The following YTHDC1 variants were observed in gnomAD, a reference collection of about 807,000 sequenced individuals.
The protein encoded by YTHDC1 is YTH N6-methyladenosine RNA binding protein C1, also known as YTH domain-containing protein 1.
YTHDC1 carries 12 observed loss-of-function variants against 107.0 expected under a neutral mutation model. The observed-to-expected ratio is 0.11, with a 90% CI of 0.07 to 0.18. YTHDC1 has a LOEUF of 0.18. Ranked by LOEUF, YTHDC1 falls within the 10% of genes least tolerant of loss-of-function variation. The probability of loss-of-function intolerance (pLI) is 1.00; values close to 1 mark genes in which losing one functional copy is unlikely to be tolerated. For missense variants in YTHDC1, 635 were observed against 898.8 expected (o/e 0.71, Z 3.75); for synonymous variants, 280 against 289.5 (o/e 0.97, Z 0.33).
At chr4:68,341,187 G>T (rs367903115) in intron 1 of YTHDC1, among the ~76,000 whole-genome samples, 2 of 152,222 alleles carry the variant, frequency 1.3e-5, no homozygotes, top group South Asian at 4.1e-4. Context: ...CACTTGTCTA[G>T]TAACAAATGG....
chr4:68,336,932 C>T, intron 4 of YTHDC1, 95 bp downstream of exon 4: 5 of 1,448,354 alleles, frequency 3.5e-6, no homozygotes, highest in Non-Finnish European at 4.6e-6. Flanking sequence ...ATTAATATCC[C>T]CCATCTCCTC....
chr4:68,314,400 AT>A, intron 16 of YTHDC1, 77 bp from the exon 17 acceptor site: 2 of 1,228,876 alleles, frequency 1.6e-6, no homozygotes, highest in Non-Finnish European at 2.2e-6. Context: ...TGAAAAAAAA[AT>A]TTATATAAAC....
chr4:68,318,930 C>A (rs750314984), intron 12 of YTHDC1, 68 bp from the exon 13 acceptor site: 4 of 1,499,060 alleles, frequency 2.7e-6, no homozygotes, highest in Non-Finnish European at 3.7e-6. Context: ...ATAATTAAAC[C>A]TTCCTTACCA....
intron 16 of YTHDC1, among the ~76,000 whole-genome samples, chr4:68,315,439 T>C (rs959426752): frequency 3.1e-4 from 47 of 152,106 alleles, no homozygotes; most frequent in Non-Finnish European, 6.5e-4. Flanking sequence ...TAAAAAGATG[T>C]TTATTTGGCC....
In YTHDC1 at chr4:68,349,745, A is replaced by C; in HGVS notation, c.9T>G (p.Ala3=). 1 of 1,612,496 alleles carries C rather than the reference A, an allele frequency of 6.2e-7. No individual in the cohort carries two copies. The highest frequency in any genetic ancestry group is 8.5e-7 in the Non-Finnish European group (1 of 1,179,606). Residue 3 remains alanine (A), a synonymous_variant, in exon 1 of 17, where the codon GCT becomes GCG. Transcript: ENST00000344157. The part of the protein sequence containing the change: MA[A]DSREEKDGEL... ...ACTAACCTTTCTCCTCCCGACTGTC[A>C]GCCGCCATGGCTCCCCTTCGGTTTC... is the stretch of plus-strand genomic sequence containing the variant.
chr4:68,319,355 T>C (rs540575091), intron 12 of YTHDC1, among the ~76,000 whole-genome samples: 67 of 152,108 alleles, frequency 4.4e-4, no homozygotes, highest in Admixed American at 3.1e-3. Context: ...AAATGAAAAA[T>C]CGATGGTGGT....
chr4:68,314,082 G>A lies in YTHDC1; in HGVS notation c.*17C>T. 1 of 1,608,568 alleles carries A rather than the reference G, an allele frequency of 6.2e-7. No homozygotes were observed. On this transcript the variant is annotated 3_prime_UTR_variant, in exon 17 of 17. Coordinates refer to ENST00000344157, the MANE Select transcript of YTHDC1 (RefSeq NM_001031732.4). ...GATTTTTTGTATCTTTAAACAATCA[G>A]TGCTTCCAAAAGCCCATTATCTTCT...
rs745405437 is a variant in YTHDC1, at chr4:68,333,413, G to GTT, written c.884-18_884-17dup. 3.8e-5 allele frequency: 54 copies of GTT among 1,414,464 alleles called. No individual in the cohort carries two copies. The highest frequency in any genetic ancestry group is 1.9e-4 in the Middle Eastern group (1 of 5,326). The allele number at this position is 1,414,464 out of a possible 1,614,324, so 87.6% of individuals were successfully genotyped here. A position where few individuals can be genotyped will look rare whatever the true frequency, so the allele number is the denominator to read the frequency against. ...TTTTTCTCATCTAAAAAGAACAAGA[G>GTT]TTTTTTTTTTAAATCACAATACAGA... On this transcript the variant is annotated splice_polypyrimidine_tract_variant and intron_variant, in intron 4 of 16. Coordinates refer to ENST00000344157, the MANE Select transcript of YTHDC1 (RefSeq NM_001031732.4).
At chr4:68,342,645 T>C (rs1249470564) in intron 1 of YTHDC1, among the ~76,000 whole-genome samples, 1 of 152,238 alleles carries the variant, frequency 6.6e-6, no homozygotes, top group Non-Finnish European at 1.5e-5. Flanking sequence ...TGTTAAAGCT[T>C]ATAGTATTAA....
chr4:68,318,041 A>C (rs1446795176), intron 15 of YTHDC1, among the ~76,000 whole-genome samples: 1 of 152,186 alleles, frequency 6.6e-6, no homozygotes, highest in Non-Finnish European at 1.5e-5. Flanking sequence ...ATTAACACAA[A>C]TGAGCTTTTA....
chr4:68,337,702 T>C lies in YTHDC1; in HGVS notation c.329A>G (p.Asp110Gly), dbSNP rs149942939. The C allele has an allele frequency of 1.9e-6, 3 of 1,614,166 alleles. No individual in the cohort carries two copies. The South Asian group carries it at 3.3e-5, about 18-fold the overall frequency. Residue 110 changes from aspartate (D) to glycine (G), a missense_variant, in exon 3 of 17, where the codon GAT becomes GGT. This residue lies in a region of YTHDC1 where 294 missense variants were observed against 312.3 expected (regional missense o/e 0.94). Transcript: ENST00000344157. ...TGATAGACGAATTTTCCGATCAGCA[T>C]CTAGACGCTTGTTTCTTTCAGATCT... Reference protein sequence around the residue: ...YQRSERNKRLDADRKIRLSSS... With the variant: ...YQRSERNKRLGADRKIRLSSS...
At chr4:68,334,398 T>G (rs181920877) in intron 4 of YTHDC1, among the ~76,000 whole-genome samples, 147 of 152,208 alleles carry the variant, frequency 9.7e-4, no homozygotes, top group African/African-American at 3.1e-3. Flanking sequence ...TCACAAGATA[T>G]TCTCATTACA....
chr4:68,317,199 G>C (rs1449257469), intron 15 of YTHDC1, among the ~76,000 whole-genome samples: 1 of 152,090 alleles, frequency 6.6e-6, no homozygotes, highest in Non-Finnish European at 1.5e-5. Context: ...ATTCCAGCCT[G>C]GGAGACCGAA....
Position 68,317,135 on chromosome 4 carries a change from G to T in YTHDC1, c.1825-687C>A, listed in dbSNP as rs192861719. Among the ~76,000 whole-genome samples the T allele has an allele frequency of 6.6e-5, 10 of 152,110 alleles. No homozygotes were observed. The East Asian group carries it at 1.9e-3, about 30-fold the overall frequency. On this transcript the variant is annotated intron_variant, in intron 15 of 16. Coordinates refer to ENST00000344157, the MANE Select transcript of YTHDC1 (RefSeq NM_001031732.4). ...CCTACTCAGGAAGCTGAGGCAGCAG[G>T]ACCACTTGTGCCCAGGAGTTCAAGG...
chr4:68,346,078 C>CATATATATATATATATATATATATATAT (rs34633749), intron 1 of YTHDC1, among the ~76,000 whole-genome samples: 14 of 132,670 alleles, frequency 1.1e-4, no homozygotes, highest in African/African-American at 3.8e-4. Context: ...TGTGTGTGTA[C>CATATATATATATATATATATATATATAT]ATATATATAT....
chr4:68,346,100 T>TATATATATATATATATATATATAC (rs144743953), intron 1 of YTHDC1, among the ~76,000 whole-genome samples: 39 of 134,128 alleles, frequency 2.9e-4, no homozygotes, highest in African/African-American at 1.1e-3. Flanking sequence ...TATATATATA[T>TATATATATATATATATATATATAC]ACACACACAC....
At chr4:68,344,436 A>G (rs1486071805) in intron 1 of YTHDC1, among the ~76,000 whole-genome samples, 1 of 152,154 alleles carries the variant, frequency 6.6e-6, no homozygotes, top group African/African-American at 2.4e-5. Context: ...TAAAGGGGAC[A>G]ATCCTACTCA....
chr4:68,349,649 CAA>C, intron 1 of YTHDC1, 75 bp downstream of exon 1: 7 of 461,934 alleles, frequency 1.5e-5, no homozygotes, highest in South Asian at 3.2e-5. Flanking sequence ...CCCCCACCCC[CAA>C]CGACGACCAC....
At chr4:68,348,535 T>C (rs999069013) in intron 1 of YTHDC1, among the ~76,000 whole-genome samples, 1 of 150,312 alleles carries the variant, frequency 6.7e-6, no homozygotes, top group African/African-American at 2.4e-5. Context: ...GGATGGAACA[T>C]TAAACTGCTA....
Sources: gnomAD v4.1 joint callset for allele counts (sites outside exome capture counted in the v4.1 genomes callset) on GRCh38, gnomAD v4.1.1 for gene constraint, gnomAD v4.1.1 regional missense constraint, MANE v1.5 for transcripts, NCBI Gene and HGNC (gene_info 2026-07-23, HGNC 2026-07-21) for gene names.